SUCLG2: variants seen among roughly 807,000 people sequenced by gnomAD.
The protein encoded by SUCLG2 is succinate--CoA ligase [GDP-forming] subunit beta, mitochondrial.
A neutral mutation model predicts 47.9 loss-of-function variants in SUCLG2; 42 were observed. That is an observed-to-expected ratio of 0.88 (90% confidence interval 0.69 to 1.14). SUCLG2 has a LOEUF of 1.14. Ranked by LOEUF, SUCLG2 falls within the 50% of genes most tolerant of loss-of-function variation. The pLI, the probability that SUCLG2 is intolerant of heterozygous loss-of-function variation, is 0.00. For synonymous variants in SUCLG2, 195 were observed against 197.3 expected, an observed-to-expected ratio of 0.99 and a Z score of 0.10; for missense variants, 571 against 525.9, an observed-to-expected ratio of 1.09 and a Z score of -0.84.
intron 2 of SUCLG2, among the ~76,000 whole-genome samples, chr3:67,581,328 G>C (rs1055335183): frequency 9.8e-5 from 15 of 152,326 alleles, no homozygotes; most frequent in African/African-American, 3.6e-4. Flanking sequence ...TTGGTAAGCA[G>C]ATGTGTCACA....
chr3:67,454,039 A>C (rs929773690), intron 9 of SUCLG2, among the ~76,000 whole-genome samples: 4 of 152,260 alleles, frequency 2.6e-5, no homozygotes, highest in African/African-American at 9.6e-5. Context: ...TTAGAAGTTA[A>C]TAGGCTGACT....
intron 9 of SUCLG2, among the ~76,000 whole-genome samples, chr3:67,428,886 A>C (rs954192418): frequency 1.5e-4 from 23 of 152,230 alleles, no homozygotes; most frequent in Non-Finnish European, 2.9e-4. Context: ...TGAAGCGAGA[A>C]GAGAAGTTTA....
At chr3:67,554,981 G>C (rs1452040851) in intron 2 of SUCLG2, among the ~76,000 whole-genome samples, 1 of 152,138 alleles carries the variant, frequency 6.6e-6, no homozygotes, top group Non-Finnish European at 1.5e-5. Flanking sequence ...GGGATGTTGG[G>C]GAGCTTCCTC....
chr3:67,513,395 G>A (rs1459991541), intron 6 of SUCLG2, among the ~76,000 whole-genome samples: 1 of 152,152 alleles, frequency 6.6e-6, no homozygotes, highest in Non-Finnish European at 1.5e-5. Context: ...TTTTACTGTT[G>A]CACAAAGGCA....
chr3:67,505,967 TAAAAAA>T (rs1705626936), intron 7 of SUCLG2, among the ~76,000 whole-genome samples: 1 of 144,604 alleles, frequency 6.9e-6, no homozygotes, highest in Non-Finnish European at 1.5e-5. Context: ...GTCTCAAAAA[TAAAAAA>T]GAAAAAGAAA....
chr3:67,567,593 T>C lies in SUCLG2; in HGVS notation c.227-38407A>G, dbSNP rs1707489634. Among the ~76,000 whole-genome samples the C allele has an allele frequency of 2.0e-5, 3 of 152,234 alleles. No individual in the cohort carries two copies. The South Asian group carries it at 6.2e-4, about 31-fold the overall frequency. On this transcript the variant is annotated intron_variant, in intron 2 of 10. Coordinates refer to ENST00000307227, the MANE Select transcript of SUCLG2 (RefSeq NM_003848.4). Reference sequence around the variant, plus strand: ...CTTGCCCAGCCTCCTATGTCAGGAATTTAAAGACTAAAGGAAAATGGTAAT... The same window carrying C: ...CTTGCCCAGCCTCCTATGTCAGGAACTTAAAGACTAAAGGAAAATGGTAAT...
At chr3:67,435,731 C>T (rs6770533) in intron 9 of SUCLG2, among the ~76,000 whole-genome samples, 69,837 of 152,020 alleles carry the variant, frequency 0.46, 16,733 homozygotes, top group Non-Finnish European at 0.54. Flanking sequence ...TAAATGTAAT[C>T]TGTTTTGCTT....
rs1700486676 is a variant in SUCLG2, at chr3:67,609,350, C to G, written c.226+105G>C. ...TTCTAAGCTCTCCCCTGTATCTGTC[C>G]CTGTCAGTTTAATCCACAACAAAAA... On this transcript the variant is annotated intron_variant, in intron 2 of 10. Coordinates refer to ENST00000307227, the MANE Select transcript of SUCLG2 (RefSeq NM_003848.4). 7.5e-6 allele frequency: 10 copies of G among 1,338,716 alleles called. No individual in the cohort carries two copies. The South Asian group carries it at 1.4e-4, about 19-fold the overall frequency. The allele number at this position is 1,338,716 out of a possible 1,614,324, so 82.9% of individuals were successfully genotyped here.
intron 2 of SUCLG2, among the ~76,000 whole-genome samples, chr3:67,608,596 T>C (rs574147582): frequency 2.4e-4 from 37 of 152,130 alleles, no homozygotes; most frequent in Non-Finnish European, 3.7e-4. Flanking sequence ...AACACCCTAA[T>C]GCTCATACTG....
At chr3:67,485,354 T>C (rs1210508519) in intron 9 of SUCLG2, among the ~76,000 whole-genome samples, 1 of 152,240 alleles carries the variant, frequency 6.6e-6, no homozygotes, top group Non-Finnish European at 1.5e-5. Context: ...TATGGCTTAC[T>C]GTGAAACAAA....
At chr3:67,431,716 C>G (rs923458447) in intron 9 of SUCLG2, among the ~76,000 whole-genome samples, 2 of 148,924 alleles carry the variant, frequency 1.3e-5, no homozygotes, top group Non-Finnish European at 3.0e-5. Context: ...CGGTGGGGAA[C>G]ATCACACACC....
intron 9 of SUCLG2, among the ~76,000 whole-genome samples, chr3:67,416,239 A>G (rs765766573): frequency 1.3e-5 from 2 of 152,220 alleles, no homozygotes; most frequent in Admixed American, 6.5e-5. Flanking sequence ...AGAGTTTTGA[A>G]TAAGAATTTA....
rs1422979495 is a variant in SUCLG2, at chr3:67,618,649, G to A, written c.85-9053C>T. On this transcript the variant is annotated intron_variant, in intron 1 of 10. Transcript: ENST00000307227. ...ATCTGACTTTTTCTCTTTTTAGTCA[G>A]TCTGTAAATCCTGTGTCAATTAAAA... Among the ~76,000 whole-genome samples the A allele has an allele frequency of 7.2e-5, 11 of 152,248 alleles. No individual in the cohort carries two copies. The South Asian group carries it at 1.9e-3, about 26-fold the overall frequency.
At chr3:67,618,399 C>A (rs1308253873) in intron 1 of SUCLG2, among the ~76,000 whole-genome samples, 1 of 152,076 alleles carries the variant, frequency 6.6e-6, no homozygotes, top group Non-Finnish European at 1.5e-5. Flanking sequence ...AGCCTGGCAA[C>A]AGAACAAAAC....
At chr3:67,513,333 C>T (rs905944790) in intron 6 of SUCLG2, among the ~76,000 whole-genome samples, 1 of 152,204 alleles carries the variant, frequency 6.6e-6, no homozygotes, top group Non-Finnish European at 1.5e-5. Flanking sequence ...CACATTAATC[C>T]CATTGTAATT....
chr3:67,422,473 C>CA (rs58345420), intron 9 of SUCLG2, among the ~76,000 whole-genome samples: 357 of 30,662 alleles, frequency 0.012, 67 homozygotes, highest in African/African-American at 0.026. Flanking sequence ...GACTCCATCT[C>CA]AAAAAAAAAA....
At chr3:67,625,982 G>A (rs1048615280) in intron 1 of SUCLG2, among the ~76,000 whole-genome samples, 1 of 151,966 alleles carries the variant, frequency 6.6e-6, no homozygotes, top group African/African-American at 2.4e-5. Context: ...ATAGGACAGG[G>A]TTGTACCCAA....
chr3:67,534,481 C>A (rs542292887), intron 2 of SUCLG2, among the ~76,000 whole-genome samples: 1 of 151,784 alleles, frequency 6.6e-6, no homozygotes, highest in Admixed American at 6.6e-5. Flanking sequence ...ACATTAAAAT[C>A]TGTAATATAA....
chr3:67,417,187 T>A (rs1217401145), intron 9 of SUCLG2, among the ~76,000 whole-genome samples: 1 of 152,202 alleles, frequency 6.6e-6, no homozygotes. Flanking sequence ...CCAACGTAAG[T>A]GTAAATTTTC....
Sources: gnomAD v4.1 joint callset for allele counts (sites outside exome capture counted in the v4.1 genomes callset) on GRCh38, gnomAD v4.1.1 for gene constraint, MANE v1.5 for transcripts, NCBI Gene and HGNC (gene_info 2026-07-23, HGNC 2026-07-21) for gene names.